HTR1F: variants seen among roughly 807,000 people sequenced by gnomAD.
HTR1F encodes the protein 5-hydroxytryptamine receptor 1F, also known as 5-hydroxytryptamine (serotonin) receptor 1F, G protein-coupled.
In HTR1F, 17 loss-of-function variants were observed where a neutral mutation model predicts 24.0. The ratio of observed to expected loss-of-function variants is 0.71; its 90% CI spans 0.48 to 1.06. HTR1F has a LOEUF of 1.06. HTR1F is among the 50% of genes least tolerant of loss of function. The probability of loss-of-function intolerance (pLI) is 0.00; values close to 1 mark genes in which losing one functional copy is unlikely to be tolerated. For synonymous variants in HTR1F, 186 were observed against 156.8 expected (o/e 1.19, Z -1.39); for missense variants, 391 against 427.8 (o/e 0.91, Z 0.76).
chr3:87,877,651 T>C lies in HTR1F; in HGVS notation c.-43+55527T>C, dbSNP rs1200280381. ...CCTGAGGCTTCAAGGATCTAAGTGA[T>C]ATCCAAGATCCCAACTATCAATAGT... On this transcript the variant is annotated intron_variant, in intron 2 of 2. Coordinates refer to ENST00000319595, the MANE Select transcript of HTR1F (RefSeq NM_001322209.2). Among the ~76,000 whole-genome samples, 3 of 152,150 alleles carry C rather than the reference T, an allele frequency of 2.0e-5. No individual in the cohort carries two copies. In the East Asian group the frequency reaches 5.8e-4, roughly 29 times the overall value.
intron 2 of HTR1F, among the ~76,000 whole-genome samples, chr3:87,842,545 C>A (rs370176026): frequency 6.6e-6 from 1 of 151,778 alleles, no homozygotes. Flanking sequence ...TTTCAAATAT[C>A]TAGGATTAAG....
chr3:87,975,795 G>C (rs758784725), intron 2 of HTR1F, among the ~76,000 whole-genome samples: 7 of 152,194 alleles, frequency 4.6e-5, no homozygotes, highest in Admixed American at 2.0e-4. Flanking sequence ...GCCTTGGTTA[G>C]TGAGCAAACT....
At chr3:87,932,644 C>T (rs976835153) in intron 2 of HTR1F, among the ~76,000 whole-genome samples, 1 of 152,038 alleles carries the variant, frequency 6.6e-6, no homozygotes, top group East Asian at 1.9e-4. Flanking sequence ...TCTCCCAAGA[C>T]TAAACCAGGA....
chr3:87,958,924 T>A (rs1325428298), intron 2 of HTR1F, among the ~76,000 whole-genome samples: 4 of 151,732 alleles, frequency 2.6e-5, no homozygotes, highest in African/African-American at 9.7e-5. Flanking sequence ...TGGTACTCCA[T>A]CTTCCTCATC....
At position 87,991,824 on chromosome 3, in the gene HTR1F, C is replaced by T. The variant is rs1316055660; in HGVS notation, c.1075C>T (p.Gln359Ter). ...TAATGAAGACTTCAAGAAAGCATTC[C>T]AAAAGCTTGTGCGATGTCGATGTTA... Reference protein sequence around the residue: ...IFNEDFKKAFQKLVRCRC With the variant: ...IFNEDFKKAF Residue 359 changes from glutamine (Q) to a stop codon, truncating the protein, a stop_gained, in exon 3 of 3, where the codon CAA becomes TAA. Coordinates refer to ENST00000319595, the MANE Select transcript of HTR1F (RefSeq NM_001322209.2). LOFTEE classifies it high-confidence loss of function. The T allele has an allele frequency of 6.3e-7, 1 of 1,581,338 alleles. No homozygotes were observed. Among genetic ancestry groups the T allele is most frequent in the Non-Finnish European group, 8.6e-7 (1 of 1,164,938 alleles).
At chr3:87,946,558 C>A (rs1704710312) in intron 2 of HTR1F, among the ~76,000 whole-genome samples, 1 of 150,264 alleles carries the variant, frequency 6.7e-6, no homozygotes, top group Admixed American at 6.6e-5. Flanking sequence ...ATTTAATGTA[C>A]CTAATACATA....
chr3:87,903,191 T>A (rs1229735085), intron 2 of HTR1F, among the ~76,000 whole-genome samples: 1 of 151,600 alleles, frequency 6.6e-6, no homozygotes, highest in African/African-American at 2.4e-5. Flanking sequence ...AACCTAGGCA[T>A]TACCATTCAG....
At chr3:87,925,687 C>T in intron 2 of HTR1F, among the ~76,000 whole-genome samples, 1 of 152,088 alleles carries the variant, frequency 6.6e-6, no homozygotes, top group East Asian at 1.9e-4. Context: ...GTAATGCAGC[C>T]ACTTGGACTC....
intron 2 of HTR1F, among the ~76,000 whole-genome samples, chr3:87,958,994 A>C (rs1191501181): frequency 1.3e-5 from 2 of 151,806 alleles, no homozygotes; most frequent in African/African-American, 4.8e-5. Flanking sequence ...ATATTTTATC[A>C]GGGTAAAATC....
chr3:87,872,220 A>G (rs1321831130), intron 2 of HTR1F, among the ~76,000 whole-genome samples: 1 of 152,142 alleles, frequency 6.6e-6, no homozygotes, highest in Admixed American at 6.6e-5. Flanking sequence ...TGAAATGGAG[A>G]ACTCAACATG....
intron 2 of HTR1F, among the ~76,000 whole-genome samples, chr3:87,944,195 G>A (rs542869214): frequency 6.6e-6 from 1 of 152,154 alleles, no homozygotes; most frequent in African/African-American, 2.4e-5. Flanking sequence ...TTTGTGCTCA[G>A]GGGTGAGTCC....
chr3:87,924,357 T>C (rs572948243), intron 2 of HTR1F, among the ~76,000 whole-genome samples: 1 of 152,086 alleles, frequency 6.6e-6, no homozygotes, highest in Admixed American at 6.6e-5. Context: ...TTATTTTTAG[T>C]TTGTTTTGCA....
chr3:87,863,884 G>A (rs1281017045), intron 2 of HTR1F, among the ~76,000 whole-genome samples: 2 of 152,068 alleles, frequency 1.3e-5, no homozygotes, highest in Non-Finnish European at 2.9e-5. Flanking sequence ...GTTATCACTG[G>A]GCTAAAGCCA....
At chr3:87,964,915 T>C (rs1378983585) in intron 2 of HTR1F, among the ~76,000 whole-genome samples, 1 of 152,154 alleles carries the variant, frequency 6.6e-6, no homozygotes, top group Admixed American at 6.5e-5. Context: ...CATGCTGTTC[T>C]CATGATAGTG....
chr3:87,840,154 T>C lies in HTR1F; in HGVS notation c.-43+18030T>C, dbSNP rs187336555. Among the ~76,000 whole-genome samples the C allele has an allele frequency of 3.7e-3, 557 of 152,272 alleles. 3 individuals carry two copies. Among genetic ancestry groups the C allele is most frequent in the Middle Eastern group, 6.8e-3 (2 of 294 alleles). On this transcript the variant is annotated intron_variant, in intron 2 of 2. Coordinates refer to ENST00000319595, the MANE Select transcript of HTR1F (RefSeq NM_001322209.2). The stretch of plus-strand genomic sequence containing the variant: ...CCAGTAACAGGGTTGCTGAGTCTTC[T>C]TTTCAGAAGTGTTTGTTCATGTCCT...
chr3:87,950,888 A>G (rs1704819327), intron 2 of HTR1F, among the ~76,000 whole-genome samples: 1 of 152,202 alleles, frequency 6.6e-6, no homozygotes, highest in Non-Finnish European at 1.5e-5. Flanking sequence ...GCCTTATCAA[A>G]GCAGGAAATG....
intron 1 of HTR1F, among the ~76,000 whole-genome samples, chr3:87,797,403 G>C (rs1703923624): frequency 6.6e-6 from 1 of 152,122 alleles, no homozygotes; most frequent in Non-Finnish European, 1.5e-5. Flanking sequence ...AGTCTGCTAA[G>C]CTAGCAGAAA....
intron 1 of HTR1F, among the ~76,000 whole-genome samples, 113 bp from the exon 2 acceptor site, chr3:87,821,894 AG>A (rs891960043): frequency 7.9e-5 from 12 of 152,098 alleles, no homozygotes; most frequent in African/African-American, 2.9e-4. Context: ...GTGGTCAGAG[AG>A]GGGGAAAGAA....
intron 2 of HTR1F, among the ~76,000 whole-genome samples, chr3:87,918,924 A>G (rs138168104): frequency 3.3e-5 from 5 of 152,188 alleles, no homozygotes; most frequent in African/African-American, 1.2e-4. Flanking sequence ...CCAAAGGAAG[A>G]CTAAGCAAAA....
Sources: gnomAD v4.1 joint callset for allele counts (sites outside exome capture counted in the v4.1 genomes callset) on GRCh38, gnomAD v4.1.1 for gene constraint, MANE v1.5 for transcripts, NCBI Gene and HGNC (gene_info 2026-07-23, HGNC 2026-07-21) for gene names.